The following OR8G1 variants were observed in gnomAD, a reference collection of about 807,000 sequenced individuals.
The protein encoded by OR8G1 is olfactory receptor 8G1.
For missense variants in OR8G1, 372 were observed against 356.2 expected (o/e 1.04, Z -0.36); for synonymous variants, 129 against 133.3 (o/e 0.97, Z 0.22).
chr11:124,250,801 A>T lies in OR8G1; in HGVS notation c.*190A>T. On this transcript the variant is annotated 3_prime_UTR_variant, in exon 3 of 3. Transcript: ENST00000641972. Reference sequence around the variant, plus strand: ...GTGGGGTTTTAACTCATATGTATCAATGAGACACAAATTAATATAAATACT... The same window carrying T: ...GTGGGGTTTTAACTCATATGTATCATTGAGACACAAATTAATATAAATACT... 1 of 293,896 alleles carries T rather than the reference A, an allele frequency of 3.4e-6. No individual in the cohort carries two copies. Among genetic ancestry groups the T allele is most frequent in the Non-Finnish European group, 5.7e-6 (1 of 175,326 alleles). The allele number at this position is 293,896 out of a possible 1,614,324, so 18.2% of individuals were successfully genotyped here.
At chr11:124,248,165 A>C (rs963544153) in intron 2 of OR8G1, among the ~76,000 whole-genome samples, 11 of 151,956 alleles carry the variant, frequency 7.2e-5, no homozygotes, top group African/African-American at 2.7e-4. Flanking sequence ...ATATTTTTGT[A>C]AGGAATTTGT....
chr11:124,244,031 GGA>G (rs1184671829), intron 1 of OR8G1, among the ~76,000 whole-genome samples: 1 of 131,128 alleles, frequency 7.6e-6, no homozygotes, highest in Non-Finnish European at 1.7e-5. Context: ...ATGGAGAGAG[GGA>G]GAGAGAGATG....
At chr11:124,245,252 A>G (rs1861800457) in intron 1 of OR8G1, among the ~76,000 whole-genome samples, 1 of 142,522 alleles carries the variant, frequency 7.0e-6, no homozygotes, top group African/African-American at 2.7e-5. Flanking sequence ...CCTATGAGTG[A>G]GAATATGCGG....
At chr11:124,249,613 T>C in intron 2 of OR8G1, 47 bp from the exon 3 acceptor site, 1 of 1,506,528 alleles carries the variant, frequency 6.6e-7, no homozygotes, top group Non-Finnish European at 8.9e-7. Flanking sequence ...ATAAAGTCCC[T>C]CCCACAACCA....
intron 1 of OR8G1, among the ~76,000 whole-genome samples, chr11:124,246,800 A>G (rs1013539966): frequency 2.6e-5 from 4 of 151,472 alleles, no homozygotes; most frequent in Non-Finnish European, 5.9e-5. Context: ...GCAATGATTT[A>G]CATAATTCAG....
rs542660975 is a variant in OR8G1, at chr11:124,249,812, C to A, written c.137C>A (p.Thr46Asn). The stretch of plus-strand genomic sequence containing the variant: ...ACAGTGGTGGGCAACCTGGGCATGA[C>A]CACACTGATTTGGCTCAGTTCTCAC... ...VVTVVGNLGM[T>N]TLIWLSSHLH... is the part of the protein sequence containing the mutation. Residue 46 changes from threonine (T) to asparagine (N), a missense_variant, in exon 3 of 3, where the codon ACC (threonine) becomes AAC (asparagine). Physicochemically the swap from Thr to Asn is moderately conservative, Grantham distance 65 (BLOSUM62 0). Transcript: ENST00000641972. The A allele has an allele frequency of 1.9e-6, 3 of 1,613,870 alleles. No homozygotes were observed. The African/African-American group carries it at 4.0e-5, about 22-fold the overall frequency.
At chr11:124,247,409 T>A (rs1017425966) in intron 1 of OR8G1, among the ~76,000 whole-genome samples, 10 of 152,036 alleles carry the variant, frequency 6.6e-5, no homozygotes, top group Non-Finnish European at 8.8e-5. Context: ...ATATATTTGA[T>A]CATTTGCAAA....
chr11:124,251,474 C>T lies in OR8G1; in HGVS notation c.*863C>T. On this transcript the variant is annotated 3_prime_UTR_variant, in exon 3 of 3. Transcript: ENST00000641972. ...TTACTTTAGAAGGTTCTTCAAGAAT[C>T]TATAATATAACTGGTAACATTCTGA... is the stretch of plus-strand genomic sequence containing the variant. The T allele has an allele frequency of 1.4e-6, 1 of 706,010 alleles. No individual in the cohort carries two copies. The highest frequency in any genetic ancestry group is 4.2e-5 in the East Asian group (1 of 23,982). The allele number at this position is 706,010 out of a possible 1,614,324, so 43.7% of individuals were successfully genotyped here.
chr11:124,252,692 G>T lies in OR8G1; in HGVS notation c.*2081G>T, dbSNP rs1231022841. The T allele has an allele frequency of 6.6e-6, 1 of 152,092 alleles. No homozygotes were observed. Among genetic ancestry groups the T allele is most frequent in the Non-Finnish European group, 1.5e-5 (1 of 68,024 alleles). 9.4% of individuals were successfully genotyped at this position (152,092 alleles called of 1,614,324 possible). ...AGACTACCTCCTGTTTCTCATTTCAGCAGACTTGAGGCACATTTATTAGCT... is the reference window on the plus strand; with the variant it reads ...AGACTACCTCCTGTTTCTCATTTCATCAGACTTGAGGCACATTTATTAGCT... On this transcript the variant is annotated 3_prime_UTR_variant, in exon 3 of 3. Transcript: ENST00000641972.
At chr11:124,244,031 G>GGA (rs1184671829) in intron 1 of OR8G1, among the ~76,000 whole-genome samples, 9 of 131,120 alleles carry the variant, frequency 6.9e-5, no homozygotes, top group Non-Finnish European at 1.2e-4. Flanking sequence ...ATGGAGAGAG[G>GGA]GAGAGAGAGA....
Position 124,250,165 on chromosome 11 carries a change from T to C in OR8G1, c.490T>C (p.Phe164Leu). The C allele has an allele frequency of 6.2e-7, 1 of 1,613,836 alleles. No homozygotes were observed. Among genetic ancestry groups the C allele is most frequent in the South Asian group, 1.1e-5 (1 of 91,084 alleles). Residue 164 changes from phenylalanine to leucine, a missense_variant, in exon 3 of 3, where the codon TTT (phenylalanine) becomes CTT (leucine). Transcript: ENST00000641972. ...VCASVHTGCM[F>L]RVQFCKFDLI... ...TGCATCAGTTCATACAGGCTGTATG[T>C]TTAGGGTTCAATTCTGCAAATTTGA...
rs774521444 is a variant in OR8G1 at position 124,250,497 on chromosome 11, C to T, written c.822C>T (p.Ser274=). 2.5e-5 allele frequency: 40 copies of T among 1,613,454 alleles called. No homozygotes were observed. The highest frequency in any genetic ancestry group is 2.8e-5 in the Non-Finnish European group (33 of 1,179,694). ...GCTCCATGGACCAGGGGAAAGTATC[C>T]TCTGTGTTTTATACTATTATTGTGC... The part of the protein sequence containing the change: ...SISSMDQGKV[S]SVFYTIIVPM... The change falls in exon 3 of 3, where the codon TCC becomes TCT. Residue 274 remains serine, a synonymous_variant. Coordinates refer to ENST00000641972, the MANE Select transcript of OR8G1 (RefSeq NM_001002905.2).
Position 124,241,161 on chromosome 11 carries a change from A to C in OR8G1, c.-300A>C, listed in dbSNP as rs547084298. On this transcript the variant is annotated 5_prime_UTR_variant, in exon 1 of 3. Transcript: ENST00000641972. ...AATTAGAAATACTGACCTGTGATGC[A>C]GACCAGCTTCAAAGTGACTCTGAGA... The C allele has an allele frequency of 6.6e-6, 1 of 152,274 alleles. No individual in the cohort carries two copies. The highest frequency in any genetic ancestry group is 2.4e-5 in the African/African-American group (1 of 41,554). 9.4% of individuals were successfully genotyped at this position (152,274 alleles called of 1,614,324 possible).
Position 124,250,048 on chromosome 11 carries a change from G to T in OR8G1, c.373G>T (p.Ala125Ser). 1.9e-6 allele frequency: 3 copies of T among 1,613,830 alleles called. No individual in the cohort carries two copies. The highest frequency in any genetic ancestry group is 2.5e-6 in the Non-Finnish European group (3 of 1,179,846). Reference sequence around the variant, plus strand: ...TGCAATGGCGTATGACCGTTACATGGCCATCTGTAGCCCCTTGCTGTACAG... The same window carrying T: ...TGCAATGGCGTATGACCGTTACATGTCCATCTGTAGCCCCTTGCTGTACAG... ...LAAMAYDRYM[A>S]ICSPLLYSVI... is the part of the protein sequence containing the mutation. The change falls in exon 3 of 3, where the codon GCC (alanine) becomes TCC (serine). Residue 125 changes from alanine to serine, a missense_variant. Physicochemically the swap from Ala to Ser is moderately conservative, Grantham distance 99. Transcript: ENST00000641972.
In OR8G1 at chr11:124,250,542, T is replaced by G; in HGVS notation, c.867T>G (p.Ile289Met). Reference protein sequence around the residue: ...TIIVPMLNPLIYSLRNKDVHV... With the variant: ...TIIVPMLNPLMYSLRNKDVHV... ...TTGTGCCCATGTTGAACCCTCTGAT[T>G]TATAGCCTGAGGAATAAAGATGTCC... The change falls in exon 3 of 3, where the codon ATT becomes ATG. Residue 289 changes from isoleucine (I) to methionine (M), a missense_variant. Transcript: ENST00000641972. 1 of 485,012 alleles carries G rather than the reference T, an allele frequency of 2.1e-6. No homozygotes were observed. The highest frequency in any genetic ancestry group is 2.7e-6 in the Non-Finnish European group (1 of 375,848). The allele number at this position is 485,012 out of a possible 1,614,324, so 30.0% of individuals were successfully genotyped here.
In OR8G1 at chr11:124,252,296, C is replaced by T. The variant is rs188904708; in HGVS notation, c.*1685C>T. ...AGCCAAGTTAAATGATTTCTTTAAG[C>T]TTATTTACTTATTACTTATTTGCTA... On this transcript the variant is annotated 3_prime_UTR_variant, in exon 3 of 3. Coordinates refer to ENST00000641972, the MANE Select transcript of OR8G1 (RefSeq NM_001002905.2). 6.6e-6 allele frequency: 1 copy of T among 152,224 alleles called. No homozygotes were observed. The highest frequency in any genetic ancestry group is 2.1e-4 in the South Asian group (1 of 4,826). 9.4% of individuals were successfully genotyped at this position (152,224 alleles called of 1,614,324 possible).
At chr11:124,249,034 C>G (rs1861838282) in intron 2 of OR8G1, among the ~76,000 whole-genome samples, 1 of 152,126 alleles carries the variant, frequency 6.6e-6, no homozygotes, top group Admixed American at 6.6e-5. Flanking sequence ...CATTTAACCA[C>G]TACTAACACA....
chr11:124,243,436 G>A (rs1015822350), intron 1 of OR8G1, among the ~76,000 whole-genome samples: 1 of 151,842 alleles, frequency 6.6e-6, no homozygotes. Flanking sequence ...CTCTGAATTC[G>A]TTCGGGAAAC....
rs989396352 is a variant in OR8G1 at position 124,241,334 on chromosome 11, T to C, written c.-127T>C. On this transcript the variant is annotated 5_prime_UTR_variant, in exon 1 of 3. Transcript: ENST00000641972. The stretch of plus-strand genomic sequence containing the variant: ...CAGGAAGAGGAAATTGCAAGTAAAA[T>C]CAAGCATTGAAGTTTTTAGGCAGTG... 11 of 152,064 alleles carry C rather than the reference T, an allele frequency of 7.2e-5. No homozygotes were observed. The highest frequency in any genetic ancestry group is 2.7e-4 in the African/African-American group (11 of 41,416). 9.4% of individuals were successfully genotyped at this position (152,064 alleles called of 1,614,324 possible).
Sources: gnomAD v4.1 joint callset for allele counts (sites outside exome capture counted in the v4.1 genomes callset) on GRCh38, gnomAD v4.1.1 for gene constraint, MANE v1.5 for transcripts, NCBI Gene and HGNC (gene_info 2026-07-23, HGNC 2026-07-21) for gene names.